Variants in RFC5 observed in about 807,000 individuals in gnomAD.
RFC5 encodes A1 36 kDa subunit.
In RFC5, 26 loss-of-function variants were observed where a neutral mutation model predicts 44.3. The ratio of observed to expected loss-of-function variants is 0.59; its 90% CI spans 0.43 to 0.81. The LOEUF is 0.81. Among genes scored for constraint, RFC5 ranks in the 40% least tolerant of loss-of-function variants. The pLI, the probability that RFC5 is intolerant of heterozygous loss-of-function variation, is 0.00. For missense variants in RFC5, 328 were observed against 418.6 expected, an observed-to-expected ratio of 0.78 and a Z score of 1.89; for synonymous variants, 155 against 155.2, an observed-to-expected ratio of 1.00 and a Z score of 0.01.
At chr12:118,022,033 GT>G (rs762105597) in intron 4 of RFC5, among the ~76,000 whole-genome samples, 10 of 152,178 alleles carry the variant, frequency 6.6e-5, no homozygotes, top group Non-Finnish European at 1.3e-4. Context: ...AGGGTGCCAT[GT>G]GGAGGAAAGT....
chr12:118,034,646 A>T (rs2031463516), downstream of RFC5: 1 of 491,516 alleles, frequency 2.0e-6, no homozygotes, highest in Admixed American at 3.7e-5. Context: ...ATAAGGGGGA[A>T]GAGTGCCACC....
chr12:118,018,241 G>A (rs1332137533), intron 1 of RFC5, among the ~76,000 whole-genome samples: 1 of 152,174 alleles, frequency 6.6e-6, no homozygotes, highest in Non-Finnish European at 1.5e-5. Context: ...TATTTGGGTA[G>A]GAGTTCAGTT....
intron 7 of RFC5, 108 bp downstream of exon 7, chr12:118,025,936 C>T: frequency 2.9e-6 from 2 of 684,328 alleles, no homozygotes; most frequent in East Asian, 2.7e-5. Flanking sequence ...GCAACCTCCG[C>T]CTCCTGGGTT....
chr12:118,021,901 G>A (rs1445635270), intron 4 of RFC5, among the ~76,000 whole-genome samples: 1 of 152,042 alleles, frequency 6.6e-6, no homozygotes, highest in East Asian at 1.9e-4. Context: ...AGGTTGCAGC[G>A]AGCCAAGATC....
At chr12:118,026,017 A>G (rs1828835483) in intron 7 of RFC5, among the ~76,000 whole-genome samples, 189 bp downstream of exon 7, 1 of 151,668 alleles carries the variant, frequency 6.6e-6, no homozygotes, top group Non-Finnish European at 1.5e-5. Flanking sequence ...TAATTTTTGT[A>G]TTTTTAGTAG....
chr12:118,023,245 C>G (rs1167201391), intron 5 of RFC5, among the ~76,000 whole-genome samples: 1 of 151,668 alleles, frequency 6.6e-6, no homozygotes, highest in Non-Finnish European at 1.5e-5. Context: ...ATTTGTCTGT[C>G]TTCAGGGGCC....
chr12:118,025,647 A>T (rs895722119), intron 6 of RFC5, 100 bp from the exon 7 acceptor site: 2 of 728,726 alleles, frequency 2.7e-6, no homozygotes, highest in Non-Finnish European at 5.0e-6. Flanking sequence ...TCCTTCCTTC[A>T]TCCCTTTAAA....
At chr12:118,036,658 T>A (rs535775973), downstream of RFC5, 1 of 835,244 alleles carries the variant, frequency 1.2e-6, no homozygotes, top group African/African-American at 1.7e-5. Flanking sequence ...CCAGAACGTG[T>A]GGTGTAGGTT....
At chr12:118,034,050 C>G, downstream of RFC5, 1 of 1,106,978 alleles carries the variant, frequency 9.0e-7, no homozygotes, top group South Asian at 1.5e-5. Context: ...GACTAGTACA[C>G]TGGAATCTGG....
chr12:118,035,603 G>A, downstream of RFC5: 1 of 363,332 alleles, frequency 2.8e-6, no homozygotes, highest in Non-Finnish European at 5.0e-6. Flanking sequence ...AGTAGAAACT[G>A]CAAGTCTTTT....
At chr12:118,034,147 T>G (rs1435972607), downstream of RFC5, 2 of 1,609,702 alleles carry the variant, frequency 1.2e-6, no homozygotes, top group East Asian at 4.5e-5. Flanking sequence ...CAACTCCCTT[T>G]GACAGGACGA....
chr12:118,024,073 T>C (rs967595203), intron 5 of RFC5, among the ~76,000 whole-genome samples: 2 of 151,852 alleles, frequency 1.3e-5, no homozygotes, highest in South Asian at 4.2e-4. Flanking sequence ...AAAATTGGCC[T>C]GGCACAGTGG....
downstream of RFC5, chr12:118,033,639 C>T (rs2031429325): frequency 6.6e-6 from 1 of 151,660 alleles, no homozygotes; most frequent in Admixed American, 6.6e-5. Context: ...TAAATTAATA[C>T]CTCATACCAA....
In RFC5 at chr12:118,016,810, C is replaced by T. The variant is rs757411914; in HGVS notation, c.-18C>T. ...ACGCGACGATCTCAGCGGATCTGGT[C>T]ACCTTCGTCTCCCCGCCATGGAGAC... On this transcript the variant is annotated 5_prime_UTR_variant, in exon 1 of 11. Transcript: ENST00000454402. 4 of 1,606,460 alleles carry T rather than the reference C, an allele frequency of 2.5e-6. No homozygotes were observed. The highest frequency in any genetic ancestry group is 1.3e-5 in the African/African-American group (1 of 74,768).
chr12:118,016,750 A>G lies in RFC5; in HGVS notation c.-78A>G, dbSNP rs1593432194. 8.4e-7 allele frequency: 1 copy of G among 1,187,720 alleles called. No individual in the cohort carries two copies. Among genetic ancestry groups the G allele is most frequent in the East Asian group, 2.6e-5 (1 of 39,130 alleles). 73.6% of individuals were successfully genotyped at this position (1,187,720 alleles called of 1,614,324 possible). A position where few individuals can be genotyped will look rare whatever the true frequency, so the allele number is the denominator to read the frequency against. ...CTGTAAGTGCCAGGGTCTCAGGGTC[A>G]GGTCGCGGCTGGTCACTGTGCAGGC... On this transcript the variant is annotated 5_prime_UTR_variant, in exon 1 of 11. Transcript: ENST00000454402.
At chr12:118,021,218 C>A (rs368584580) in intron 4 of RFC5, among the ~76,000 whole-genome samples, 5 of 143,166 alleles carry the variant, frequency 3.5e-5, no homozygotes, top group South Asian at 4.5e-4. Context: ...TTTTTTTTTT[C>A]TTTTTTTTTT....
rs374293962 is a variant in RFC5, at chr12:118,025,045, A to G, written c.581+35A>G. On this transcript the variant is annotated intron_variant, in intron 6 of 10. Coordinates refer to ENST00000454402, the MANE Select transcript of RFC5 (RefSeq NM_007370.7). ...TTGCGGGCCTTTGGGGATGGAGTGT[A>G]GTAGAAACAGGCTTGTGGGATCACT... 7.7e-5 allele frequency: 123 copies of G among 1,595,882 alleles called. No homozygotes were observed. The African/African-American group carries it at 1.6e-3, about 21-fold the overall frequency.
At chr12:118,027,634 T>C (rs2031037964) in intron 8 of RFC5, among the ~76,000 whole-genome samples, 1 of 150,052 alleles carries the variant, frequency 6.7e-6, no homozygotes. Flanking sequence ...GTCATGCCAC[T>C]GTACTCTAGC....
In RFC5 at chr12:118,019,196, G is replaced by C. The variant is rs2030317689; in HGVS notation, c.130+60G>C. The C allele has an allele frequency of 8.2e-7, 1 of 1,220,188 alleles. No individual in the cohort carries two copies. The allele number at this position is 1,220,188 out of a possible 1,614,324, so 75.6% of individuals were successfully genotyped here. The stretch of plus-strand genomic sequence containing the variant: ...TTGAGCGACTTGTATAAATTGCTTG[G>C]TGATGTTGTCTCTCCTAAGTAATAA... On this transcript the variant is annotated intron_variant, in intron 2 of 10. Transcript: ENST00000454402. The surrounding 1 kb of genome is among the most constrained non-coding windows in gnomAD (Gnocchi z 4.2).
Sources: gnomAD v4.1 joint callset for allele counts (sites outside exome capture counted in the v4.1 genomes callset) on GRCh38, gnomAD v4.1.1 for gene constraint, Gnocchi (gnomAD v3.1) non-coding constraint, MANE v1.5 for transcripts, NCBI Gene and HGNC (gene_info 2026-07-23, HGNC 2026-07-21) for gene names.